XKRX: variants seen among roughly 807,000 people sequenced by gnomAD.
XKRX encodes XK-related protein 2.
A neutral mutation model predicts 22.4 loss-of-function variants in XKRX; 11 were observed. The observed-to-expected ratio is 0.49, with a 90% CI of 0.31 to 0.81. XKRX has a LOEUF of 0.81. XKRX is among the 40% of genes least tolerant of loss of function. XKRX has a pLI of 0.05. For missense variants in XKRX, 320 were observed against 336.5 expected, an observed-to-expected ratio of 0.95 and a Z score of 0.38; for synonymous variants, 114 against 132.2, an observed-to-expected ratio of 0.86 and a Z score of 0.94.
chrX:100,886,993 T>A, the XKRX span, among the ~76,000 whole-genome samples: 1 of 112,776 alleles, frequency 8.9e-6, no homozygotes, highest in Non-Finnish European at 1.9e-5. Flanking sequence ...TTCCCATCTA[T>A]AATTTTATCT....
chrX:100,918,103 C>A (rs2085454330), intron 2 of XKRX, among the ~76,000 whole-genome samples: 1 of 112,166 alleles, frequency 8.9e-6, no homozygotes, highest in Non-Finnish European at 1.9e-5. Flanking sequence ...GAGGAATACT[C>A]ATCCAAAAGG....
chrX:100,950,335 C>A, the XKRX span, among the ~76,000 whole-genome samples: 1 of 111,996 alleles, frequency 8.9e-6, no homozygotes, highest in Admixed American at 9.5e-5. Flanking sequence ...TATTCATAAC[C>A]TATATAAATA....
chrX:100,929,393 T>C (rs1335963178), upstream of XKRX: 1 of 111,320 alleles, frequency 9.0e-6, no homozygotes, highest in Non-Finnish European at 1.9e-5. Flanking sequence ...CAGAAGCACT[T>C]CTGACCACCA....
chrX:100,933,735 G>A (rs762531524), upstream of XKRX, among the ~76,000 whole-genome samples: 1 of 111,397 alleles, frequency 9.0e-6, no homozygotes, highest in South Asian at 3.8e-4. Context: ...TGAAGGGAAA[G>A]AAGTGCTGCC....
At chrX:100,893,400 A>G in the XKRX span, among the ~76,000 whole-genome samples, 1 of 112,351 alleles carries the variant, frequency 8.9e-6, no homozygotes, top group South Asian at 3.7e-4. Flanking sequence ...AAAAAACAGT[A>G]TGGAGATATC....
chrX:100,908,307 G>A, the XKRX span, among the ~76,000 whole-genome samples: 1 of 110,930 alleles, frequency 9.0e-6, no homozygotes, highest in East Asian at 2.8e-4. Flanking sequence ...AGTAGAGACA[G>A]GGTTTCACCA....
At position 100,920,301 on chromosome X, in the gene XKRX, CTT is replaced by C. The variant is rs201067943; in HGVS notation, c.604+2490_604+2491del. ...TTGTTATACATGTATATATAAATAA[CTT>C]GAGAAAAGACATACTGGCATACTGT... On this transcript the variant is annotated intron_variant, in intron 2 of 2. Coordinates refer to ENST00000372956, the MANE Select transcript of XKRX (RefSeq NM_212559.3). Among the ~76,000 whole-genome samples the C allele has an allele frequency of 8.6e-3, 952 of 110,193 alleles. 10 individuals are homozygous for C. Among genetic ancestry groups the C allele is most frequent in the African/African-American group, 0.03 (912 of 30,383 alleles).
upstream of XKRX, among the ~76,000 whole-genome samples, chrX:100,931,793 A>T (rs765971243): frequency 4.5e-5 from 5 of 109,924 alleles, no homozygotes; most frequent in Admixed American, 1.9e-4. Context: ...ACTCAGACAC[A>T]CTCATCTCTA....
In XKRX at chrX:100,928,288, T is replaced by A; in HGVS notation, c.17A>T (p.Glu6Val). 1 of 1,210,582 alleles carries A rather than the reference T, an allele frequency of 8.3e-7. No homozygotes were observed. The highest frequency in any genetic ancestry group is 1.1e-6 in the Non-Finnish European group (1 of 895,151). ...ATCCACATTTGGCTCCTCAGGAATT[T>A]CATAAACTCTGTCCATTGTCGAGGT... MDRVY[E>V]IPEEPNVDPV... Residue 6 changes from glutamate (E) to valine (V), a missense_variant, in exon 1 of 3, where the codon GAA becomes GTA. Transcript: ENST00000372956.
the XKRX span, among the ~76,000 whole-genome samples, chrX:100,938,610 CA>C: frequency 9.0e-6 from 1 of 111,287 alleles, no homozygotes; most frequent in Non-Finnish European, 1.9e-5. Context: ...GCCTGGGCAA[CA>C]GAGCAAGACT....
chrX:100,920,569 A>T (rs188830976), intron 2 of XKRX, among the ~76,000 whole-genome samples: 2 of 111,449 alleles, frequency 1.8e-5, no homozygotes, highest in African/African-American at 6.5e-5. Flanking sequence ...TAATTAAAAA[A>T]AGATAAAGAC....
chrX:100,922,721 T>C (rs1399838156), intron 2 of XKRX, 72 bp downstream of exon 2: 2 of 1,073,759 alleles, frequency 1.9e-6, no homozygotes, highest in African/African-American at 3.7e-5. Context: ...GCCAGTTTAT[T>C]AGACAGCTTG....
intron 2 of XKRX, among the ~76,000 whole-genome samples, chrX:100,919,117 G>A (rs920999662): frequency 3.6e-5 from 4 of 112,100 alleles, no homozygotes; most frequent in African/African-American, 1.3e-4. Context: ...CTATAAAGAT[G>A]TAAATTCTCC....
At chrX:100,910,329 T>C (rs2085402677), downstream of XKRX, among the ~76,000 whole-genome samples, 1 of 111,125 alleles carries the variant, frequency 9.0e-6, no homozygotes, top group Non-Finnish European at 1.9e-5. Flanking sequence ...CTCATGCCTG[T>C]AATCTCAACA....
chrX:100,942,348 C>T, the XKRX span, among the ~76,000 whole-genome samples: 1 of 111,770 alleles, frequency 8.9e-6, no homozygotes, highest in Admixed American at 9.5e-5. Context: ...ACAGAAACAA[C>T]ACATTCAAGA....
chrX:100,934,494 A>C, the XKRX span, among the ~76,000 whole-genome samples: 1 of 111,570 alleles, frequency 9.0e-6, no homozygotes, highest in Non-Finnish European at 1.9e-5. Flanking sequence ...TTATTGCCTT[A>C]AACTGATTGG....
At chrX:100,887,558 G>A in the XKRX span, 1 of 504,125 alleles carries the variant, frequency 2.0e-6, no homozygotes, top group East Asian at 3.9e-5. Context: ...GCTTGGCTGA[G>A]TTCACGAATC....
At chrX:100,954,953 C>G in the XKRX span, among the ~76,000 whole-genome samples, 12 of 111,138 alleles carry the variant, frequency 1.1e-4, no homozygotes, top group Non-Finnish European at 2.3e-4. Context: ...GTTTGGGGCA[C>G]GGGGGGAGTG....
At chrX:100,931,274 T>G (rs1303696760), upstream of XKRX, among the ~76,000 whole-genome samples, 1 of 111,066 alleles carries the variant, frequency 9.0e-6, no homozygotes, top group Non-Finnish European at 1.9e-5. Context: ...TACAAAAATT[T>G]ACAATGCCTT....
Sources: allele counts gnomAD v4.1 joint callset (sites outside exome capture counted in the v4.1 genomes callset), GRCh38; gene constraint gnomAD v4.1.1; transcripts MANE v1.5; gene names NCBI Gene and HGNC (gene_info 2026-07-23, HGNC 2026-07-21).